The following NOX4 variants were observed in gnomAD, a reference collection of about 807,000 sequenced individuals.
The protein encoded by NOX4 is NADPH oxidase 4, also known as kidney oxidase-1.
In NOX4, 69 loss-of-function variants were observed where a neutral mutation model predicts 87.6. The observed-to-expected ratio is 0.79, with a 90% CI of 0.65 to 0.96. The LOEUF (loss-of-function observed/expected upper bound fraction) is 0.96. NOX4 is among the 40% of genes least tolerant of loss of function. The pLI is 0.00. For synonymous variants in NOX4, 275 were observed against 238.2 expected (o/e 1.15, Z -1.42); for missense variants, 680 against 681.5 (o/e 1.00, Z 0.02).
chr11:89,406,587 A>G (rs12803076), intron 8 of NOX4, among the ~76,000 whole-genome samples: 2 of 152,138 alleles, frequency 1.3e-5, no homozygotes, highest in Non-Finnish European at 2.9e-5. Context: ...AAAGGCATGC[A>G]CAGTCTAGAG....
At chr11:89,425,497 T>A (rs1248096157) in intron 7 of NOX4, among the ~76,000 whole-genome samples, 1 of 151,320 alleles carries the variant, frequency 6.6e-6, no homozygotes, top group Non-Finnish European at 1.5e-5. Context: ...TATATTGCGA[T>A]GTGCTGTGCC....
intron 12 of NOX4, among the ~76,000 whole-genome samples, chr11:89,372,911 T>A (rs774399816): frequency 2.0e-4 from 31 of 151,874 alleles, no homozygotes; most frequent in Non-Finnish European, 3.5e-4. Context: ...CTACAATGCA[T>A]CTCTCAGGTA....
At chr11:89,400,828 T>C (rs1941803210) in intron 9 of NOX4, among the ~76,000 whole-genome samples, 1 of 143,976 alleles carries the variant, frequency 6.9e-6, no homozygotes, top group South Asian at 2.2e-4. Context: ...TGTATATGCA[T>C]AATATACATA....
chr11:89,490,218 C>G (rs1434946422), intron 2 of NOX4, among the ~76,000 whole-genome samples: 1 of 152,186 alleles, frequency 6.6e-6, no homozygotes, highest in African/African-American at 2.4e-5. Flanking sequence ...ATAACCTGGT[C>G]TGGCAGGTTC....
intron 2 of NOX4, chr11:89,488,910 A>G: frequency 1.5e-6 from 1 of 667,022 alleles, no homozygotes. Flanking sequence ...TGGTTTTTCC[A>G]TTATATTGTA....
chr11:89,492,955 A>G (rs1201421770), upstream of NOX4, among the ~76,000 whole-genome samples: 2 of 152,296 alleles, frequency 1.3e-5, no homozygotes, highest in East Asian at 3.9e-4. Context: ...AAAAAGACAA[A>G]AGGTTTAAAA....
At chr11:89,355,778 C>G (rs1937999561) in intron 12 of NOX4, among the ~76,000 whole-genome samples, 1 of 152,056 alleles carries the variant, frequency 6.6e-6, no homozygotes, top group Non-Finnish European at 1.5e-5. Context: ...TTTGCAAAGT[C>G]TGTGGCCCAA....
intron 2 of NOX4, among the ~76,000 whole-genome samples, chr11:89,475,901 A>T (rs1418117979): frequency 1.3e-5 from 2 of 152,074 alleles, no homozygotes; most frequent in Non-Finnish European, 2.9e-5. Context: ...ATATTTCCAT[A>T]CTATATTTCT....
chr11:89,573,960 C>T, the NOX4 span, among the ~76,000 whole-genome samples: 1 of 152,114 alleles, frequency 6.6e-6, no homozygotes, highest in Non-Finnish European at 1.5e-5. Flanking sequence ...CCGGTGGAGT[C>T]GCCCCAGAAG....
At chr11:89,504,935 T>G in the NOX4 span, among the ~76,000 whole-genome samples, 1 of 152,116 alleles carries the variant, frequency 6.6e-6, no homozygotes, top group East Asian at 1.9e-4. Context: ...TGATTAGTTC[T>G]TCTTTGGTAT....
intron 11 of NOX4, among the ~76,000 whole-genome samples, chr11:89,386,076 C>T (rs911676346): frequency 3.3e-5 from 5 of 152,134 alleles, no homozygotes; most frequent in Non-Finnish European, 5.9e-5. Flanking sequence ...TCATCAAGCT[C>T]AGCCTCCAAC....
At chr11:89,358,525 G>A (rs1451896055) in intron 12 of NOX4, among the ~76,000 whole-genome samples, 2 of 150,360 alleles carry the variant, frequency 1.3e-5, no homozygotes, top group African/African-American at 4.9e-5. Flanking sequence ...ATTCTTAAAT[G>A]TGAACAATTA....
At chr11:89,565,726 TA>T in the NOX4 span, among the ~76,000 whole-genome samples, 1,429 of 144,018 alleles carry the variant, frequency 9.9e-3, 10 homozygotes, top group African/African-American at 0.022. Context: ...TAAAGTATAA[TA>T]AAAAAAAAAA....
chr11:89,418,442 A>ATAG (rs939556957), intron 8 of NOX4, among the ~76,000 whole-genome samples: 2 of 147,792 alleles, frequency 1.4e-5, no homozygotes, highest in African/African-American at 2.5e-5. Context: ...AATAATAATA[A>ATAG]TAATAATAAT....
intron 8 of NOX4, among the ~76,000 whole-genome samples, chr11:89,409,545 T>C (rs553055162): frequency 1.7e-4 from 26 of 152,130 alleles, no homozygotes; most frequent in Non-Finnish European, 3.2e-4. Flanking sequence ...GGGGTAAATA[T>C]CACATGACCT....
At chr11:89,374,385 A>G (rs1939678054) in intron 11 of NOX4, among the ~76,000 whole-genome samples, 1 of 152,150 alleles carries the variant, frequency 6.6e-6, no homozygotes, top group South Asian at 2.1e-4. Context: ...AAATATGCAT[A>G]CCTTTTAAAG....
chr11:89,562,274 G>T, the NOX4 span, among the ~76,000 whole-genome samples: 1 of 152,006 alleles, frequency 6.6e-6, no homozygotes, highest in African/African-American at 2.4e-5. Context: ...ACAGAATTGA[G>T]ACTTGGGGGA....
At chr11:89,503,031 A>C (rs540521091), upstream of NOX4, among the ~76,000 whole-genome samples, 8 of 152,148 alleles carry the variant, frequency 5.3e-5, no homozygotes, top group South Asian at 1.7e-3. Flanking sequence ...TATAAATGAA[A>C]AATACCCTTT....
chr11:89,362,914 C>T (rs1938640096), intron 12 of NOX4, among the ~76,000 whole-genome samples: 1 of 152,076 alleles, frequency 6.6e-6, no homozygotes, highest in African/African-American at 2.4e-5. Context: ...AAAATGTGAA[C>T]ACCTAAAATA....
Sources: allele counts gnomAD v4.1 joint callset (sites outside exome capture counted in the v4.1 genomes callset), GRCh38; gene constraint gnomAD v4.1.1; transcripts MANE v1.5; gene names NCBI Gene and HGNC (gene_info 2026-07-23, HGNC 2026-07-21).